NRXN1: variants seen among roughly 807,000 people sequenced by gnomAD.
NRXN1 encodes the protein neurexin-1.
A neutral mutation model predicts 150.9 loss-of-function variants in NRXN1; 39 were observed. That is an observed-to-expected ratio of 0.26 (90% CI 0.20 to 0.34). The LOEUF (loss-of-function observed/expected upper bound fraction) is 0.34, where lower values mean the gene tolerates loss of function less well. Ranked by LOEUF, NRXN1 falls within the 10% of genes least tolerant of loss-of-function variation. The pLI is 1.00. For synonymous variants in NRXN1, 924 were observed against 757.0 expected (o/e 1.22, Z -3.62); for missense variants, 1,815 against 1,949.9 (o/e 0.93, Z 1.30).
intron 2 of NRXN1, among the ~76,000 whole-genome samples, chr2:50,958,531 G>A (rs1392220368): frequency 6.6e-6 from 1 of 151,814 alleles, no homozygotes; most frequent in Non-Finnish European, 1.5e-5. Flanking sequence ...TATTTTTATA[G>A]AAAGTCAACT....
intron 5 of NRXN1, among the ~76,000 whole-genome samples, chr2:50,653,721 G>A (rs1296711526): frequency 6.6e-6 from 1 of 151,858 alleles, no homozygotes; most frequent in Non-Finnish European, 1.5e-5. Context: ...TACCATAATC[G>A]TTCATAAATA....
intron 15 of NRXN1, among the ~76,000 whole-genome samples, chr2:50,483,397 G>T (rs2090624519): frequency 6.6e-6 from 1 of 152,104 alleles, no homozygotes; most frequent in Non-Finnish European, 1.5e-5. Flanking sequence ...CTATAAAGTA[G>T]GCATTTGTTT....
chr2:50,319,624 C>T (rs964310151), intron 17 of NRXN1, among the ~76,000 whole-genome samples: 1 of 152,082 alleles, frequency 6.6e-6, no homozygotes, highest in Non-Finnish European at 1.5e-5. Flanking sequence ...TCCAGGCATT[C>T]ATTAGCTCTC....
chr2:49,968,138 C>CAA (rs113639817), intron 21 of NRXN1, among the ~76,000 whole-genome samples: 5 of 137,664 alleles, frequency 3.6e-5, no homozygotes, highest in African/African-American at 8.2e-5. Context: ...TCCATCCCAC[C>CAA]AAAAAAAAAA....
chr2:50,970,985 G>T (rs1229693748), intron 2 of NRXN1, among the ~76,000 whole-genome samples: 1 of 151,754 alleles, frequency 6.6e-6, no homozygotes, highest in Non-Finnish European at 1.5e-5. Flanking sequence ...TATTTTTTAG[G>T]ACTTTTTTCT....
chr2:50,968,609 G>A (rs182169069), intron 2 of NRXN1, among the ~76,000 whole-genome samples: 177 of 151,752 alleles, frequency 1.2e-3, no homozygotes, highest in African/African-American at 4.1e-3. Flanking sequence ...AAATTATCTC[G>A]TTACTAGATC....
chr2:50,433,177 C>T (rs902858464), intron 17 of NRXN1, among the ~76,000 whole-genome samples: 2 of 152,198 alleles, frequency 1.3e-5, no homozygotes, highest in Admixed American at 6.5e-5. Flanking sequence ...TATTTGATGA[C>T]TTGTTTTAGC....
chr2:50,858,188 C>T (rs1675549210), intron 5 of NRXN1, among the ~76,000 whole-genome samples: 1 of 151,840 alleles, frequency 6.6e-6, no homozygotes, highest in Non-Finnish European at 1.5e-5. Context: ...TTAAGCTCTA[C>T]ATATTCATCA....
rs1449074494 is a variant in NRXN1, at chr2:51,027,746, C to T, written c.528G>A (p.Glu176=). The T allele has an allele frequency of 6.2e-7, 1 of 1,611,976 alleles. No homozygotes were observed. The highest frequency in any genetic ancestry group is 8.5e-7 in the Non-Finnish European group (1 of 1,179,142). ...GAATCCACCCCTTGAAGGGCTCCCG[C>T]TCCCTCACCGAGGCCAGGGTGAGCT... ...ALKLTLASVR[E]REPFKGWIRD... is the part of the protein sequence containing the mutation. The change falls in exon 2 of 23, where the codon GAG becomes GAA. Residue 176 remains glutamate (E), a synonymous_variant. Transcript: ENST00000401669.
intron 18 of NRXN1, among the ~76,000 whole-genome samples, chr2:50,170,998 T>C (rs112047559): frequency 5.9e-5 from 9 of 152,238 alleles, no homozygotes; most frequent in African/African-American, 2.2e-4. Flanking sequence ...ATTCTTACAA[T>C]AAAGTAAGCT....
chr2:50,653,033 TC>T (rs1685877640), intron 5 of NRXN1, among the ~76,000 whole-genome samples: 1 of 152,034 alleles, frequency 6.6e-6, no homozygotes, highest in African/African-American at 2.4e-5. Context: ...GTCCCCTTTT[TC>T]CTGTATACCT....
intron 17 of NRXN1, among the ~76,000 whole-genome samples, chr2:50,339,222 TTC>T (rs1282574659): frequency 6.6e-6 from 1 of 152,210 alleles, no homozygotes. Context: ...TTAATTTTTT[TTC>T]TTTCTTTATA....
At position 50,271,650 on chromosome 2, in the gene NRXN1, A is replaced by G. The variant is rs567498427; in HGVS notation, c.3365-34680T>C. The stretch of plus-strand genomic sequence containing the variant: ...CAAAAATGTAACTCAAAGTACATTT[A>G]TGGGCACACAGGAAAATTTTAACAA... On this transcript the variant is annotated intron_variant, in intron 17 of 22. Transcript: ENST00000401669. Among the ~76,000 whole-genome samples the G allele has an allele frequency of 5.9e-5, 9 of 152,334 alleles. No individual in the cohort carries two copies. The South Asian group carries it at 8.3e-4, about 14-fold the overall frequency.
rs192746255 is a variant in NRXN1 at position 50,750,159 on chromosome 2, T to C, written c.833-126544A>G. Among the ~76,000 whole-genome samples the C allele has an allele frequency of 6.7e-4, 102 of 152,008 alleles. No homozygotes were observed. The East Asian group carries it at 0.016, about 24-fold the overall frequency. On this transcript the variant is annotated intron_variant, in intron 5 of 22. Coordinates refer to ENST00000401669, the MANE Select transcript of NRXN1 (RefSeq NM_001330078.2). ...ATACAAACTAAAACAATAATAATAA[T>C]AATGGATGATAACGACAGGAGCCTA...
At chr2:50,290,152 A>G (rs1208518463) in intron 17 of NRXN1, among the ~76,000 whole-genome samples, 1 of 152,204 alleles carries the variant, frequency 6.6e-6, no homozygotes, top group Non-Finnish European at 1.5e-5. Context: ...TTTAAAACCA[A>G]GAAAGGAGAA....
intron 2 of NRXN1, among the ~76,000 whole-genome samples, chr2:51,004,874 G>A (rs1700516833): frequency 6.6e-6 from 1 of 151,814 alleles, no homozygotes; most frequent in Non-Finnish European, 1.5e-5. Context: ...CACTGAAATA[G>A]ATCAAAGGAA....
At chr2:50,393,010 G>C (rs547096713) in intron 17 of NRXN1, among the ~76,000 whole-genome samples, 23 of 151,714 alleles carry the variant, frequency 1.5e-4, no homozygotes, top group Non-Finnish European at 2.5e-4. Flanking sequence ...ACATTCCCGG[G>C]AAAGAAGAAA....
chr2:50,837,132 T>C (rs1672230614), intron 5 of NRXN1, among the ~76,000 whole-genome samples: 1 of 152,150 alleles, frequency 6.6e-6, no homozygotes, highest in African/African-American at 2.4e-5. Context: ...TGCCTGCTAC[T>C]TAATAGGTGT....
chr2:50,107,212 A>G (rs1291111520), intron 18 of NRXN1, among the ~76,000 whole-genome samples: 1 of 150,974 alleles, frequency 6.6e-6, no homozygotes, highest in Non-Finnish European at 1.5e-5. Flanking sequence ...CTTACTTTTA[A>G]CCCAACTTAA....
Sources: gnomAD v4.1 joint callset for allele counts (sites outside exome capture counted in the v4.1 genomes callset) on GRCh38, gnomAD v4.1.1 for gene constraint, MANE v1.5 for transcripts, NCBI Gene and HGNC (gene_info 2026-07-23, HGNC 2026-07-21) for gene names.